GPLD1: variants seen among roughly 807,000 people sequenced by gnomAD.
GPLD1 encodes phosphatidylinositol-glycan-specific phospholipase D.
In GPLD1, 84 loss-of-function variants were observed where a neutral mutation model predicts 112.6. The observed-to-expected ratio is 0.75, with a 90% CI of 0.63 to 0.89. The LOEUF is 0.89. Ranked by LOEUF, GPLD1 falls within the 40% of genes least tolerant of loss-of-function variation. The probability of loss-of-function intolerance (pLI) is 0.00; values close to 1 mark genes in which losing one functional copy is unlikely to be tolerated. For missense variants in GPLD1, 1,044 were observed against 1,051.5 expected (o/e 0.99, Z 0.10); for synonymous variants, 386 against 403.8 (o/e 0.96, Z 0.53).
chr6:24,443,272 T>C (rs914873976), intron 20 of GPLD1, among the ~76,000 whole-genome samples: 3 of 152,288 alleles, frequency 2.0e-5, no homozygotes, highest in Admixed American at 6.5e-5. Context: ...GGCAGCTAGC[T>C]CCCGAGCTTC....
At chr6:24,453,740 T>G (rs538790922) in intron 14 of GPLD1, among the ~76,000 whole-genome samples, 13 of 151,354 alleles carry the variant, frequency 8.6e-5, no homozygotes, top group African/African-American at 3.2e-4. Context: ...AGGTTTTATA[T>G]TATCAATTAT....
intron 2 of GPLD1, among the ~76,000 whole-genome samples, chr6:24,481,926 A>G (rs1304730132): frequency 6.6e-6 from 1 of 152,118 alleles, no homozygotes; most frequent in Non-Finnish European, 1.5e-5. Context: ...AGCTCCTTAT[A>G]TGTATTAAGA....
chr6:24,450,488 G>T lies in GPLD1; in HGVS notation c.1336-589C>A, dbSNP rs553425512. Among the ~76,000 whole-genome samples, 18 of 151,454 alleles carry T rather than the reference G, an allele frequency of 1.2e-4. No homozygotes were observed. In the South Asian group the frequency reaches 3.6e-3, roughly 30 times the overall value. ...TGCACTCCAGCCTAGGCAACACAGC[G>T]AGACTCCATCTCAAAAAAACAAACA... On this transcript the variant is annotated intron_variant, in intron 14 of 24. Coordinates refer to ENST00000230036, the MANE Select transcript of GPLD1 (RefSeq NM_001503.4).
rs1324414577 is a variant in GPLD1 at position 24,476,173 on chromosome 6, A to C, written c.330+8T>G. On this transcript the variant is annotated splice_region_variant and intron_variant, in intron 4 of 24. Transcript: ENST00000230036. Reference sequence around the variant, plus strand: ...TAAATATTTTAAGGATTGGAGGACCACGCCTACCTTCTCCCAGGGAAGGGG... The same window carrying C: ...TAAATATTTTAAGGATTGGAGGACCCCGCCTACCTTCTCCCAGGGAAGGGG... 1 of 1,460,812 alleles carries C rather than the reference A, an allele frequency of 6.8e-7. No homozygotes were observed. The highest frequency in any genetic ancestry group is 9.4e-7 in the Non-Finnish European group (1 of 1,058,532). 90.5% of individuals were successfully genotyped at this position (1,460,812 alleles called of 1,614,324 possible). A position where few individuals can be genotyped will look rare whatever the true frequency, so the allele number is the denominator to read the frequency against.
chr6:24,448,317 T>C (rs987384405), intron 15 of GPLD1, 109 bp from the exon 16 acceptor site: 16 of 714,038 alleles, frequency 2.2e-5, no homozygotes, highest in African/African-American at 3.9e-5. Flanking sequence ...TGGTGGCTGA[T>C]GTCTATAATC....
At position 24,437,256 on chromosome 6, in the gene GPLD1, G is replaced by A; in HGVS notation, c.2054C>T (p.Thr685Ile). The change falls in exon 21 of 25, where the codon ACC becomes ATC. Residue 685 changes from threonine (T) to isoleucine (I), a missense_variant. Transcript: ENST00000230036. ...GCGAGTGGCTCCGCCTTGGTGTAGG[G>A]TCACGGTCAGGAATGCCACCTTAGA... Reference protein sequence around the residue: ...DVSKVAFLTVTLHQGGATRMY... With the variant: ...DVSKVAFLTVILHQGGATRMY... 1 of 1,614,024 alleles carries A rather than the reference G, an allele frequency of 6.2e-7. No individual in the cohort carries two copies. The highest frequency in any genetic ancestry group is 8.5e-7 in the Non-Finnish European group (1 of 1,179,982).
chr6:24,466,550 T>A (rs1763623293), intron 10 of GPLD1, 130 bp downstream of exon 10: 2 of 699,838 alleles, frequency 2.9e-6, no homozygotes, highest in African/African-American at 3.6e-5. Context: ...TTTGAATAGG[T>A]TAGAAAAGCA....
At chr6:24,440,671 T>C (rs1762718770) in intron 20 of GPLD1, among the ~76,000 whole-genome samples, 1 of 149,548 alleles carries the variant, frequency 6.7e-6, no homozygotes. Context: ...GAGGATCACT[T>C]GAGCCCAGAA....
chr6:24,482,902 A>C (rs113137720), intron 2 of GPLD1, among the ~76,000 whole-genome samples: 2 of 152,068 alleles, frequency 1.3e-5, no homozygotes, highest in African/African-American at 4.8e-5. Flanking sequence ...CCATGATCAC[A>C]CCAGTACACT....
chr6:24,431,227 C>T (rs114422935), intron 24 of GPLD1, among the ~76,000 whole-genome samples: 3,675 of 152,172 alleles, frequency 0.024, 75 homozygotes, highest in Middle Eastern at 0.061. Context: ...TTTCCTAATC[C>T]TCTTCCTCCT....
In GPLD1 at chr6:24,476,298, G is replaced by A; in HGVS notation, c.233-20C>T. ...ATTTTCCTGACAAAACAAAAGCAGGGCTCTAGATTCTCTCTTAAAAGTTGG... is the reference window on the plus strand; with the variant it reads ...ATTTTCCTGACAAAACAAAAGCAGGACTCTAGATTCTCTCTTAAAAGTTGG... On this transcript the variant is annotated intron_variant, in intron 3 of 24. Transcript: ENST00000230036. The A allele has an allele frequency of 7.9e-7, 1 of 1,269,066 alleles. No individual in the cohort carries two copies. The highest frequency in any genetic ancestry group is 1.3e-5 in the South Asian group (1 of 78,330). The allele number at this position is 1,269,066 out of a possible 1,614,324, so 78.6% of individuals were successfully genotyped here. A position where few individuals can be genotyped will look rare whatever the true frequency, so the allele number is the denominator to read the frequency against.
upstream of GPLD1, among the ~76,000 whole-genome samples, chr6:24,494,078 C>T (rs1349882872): frequency 6.6e-6 from 1 of 152,218 alleles, no homozygotes; most frequent in Non-Finnish European, 1.5e-5. Flanking sequence ...GGATAGTATG[C>T]TCAATCCTTA....
chr6:24,471,125 TAATC>T lies in GPLD1; in HGVS notation c.545+1453_545+1456del, dbSNP rs528056758. On this transcript the variant is annotated intron_variant, in intron 7 of 24. Transcript: ENST00000230036. ...TATTATAAAGCTACAGCAATTAAAA[TAATC>T]AATATTGTTCAGGGACCAAAAGGAC... Among the ~76,000 whole-genome samples the T allele has an allele frequency of 1.2e-3, 180 of 152,314 alleles. 2 individuals carry two copies. Among genetic ancestry groups the T allele is most frequent in the Admixed American group, 5.8e-3 (88 of 15,300 alleles).
At chr6:24,487,395 G>A (rs1764413902) in intron 1 of GPLD1, among the ~76,000 whole-genome samples, 1 of 152,140 alleles carries the variant, frequency 6.6e-6, no homozygotes, top group African/African-American at 2.4e-5. Flanking sequence ...TTCTATTTCA[G>A]GAGATGCCTT....
At position 24,448,886 on chromosome 6, in the gene GPLD1, ACTT is replaced by A. The variant is rs578101183; in HGVS notation, c.1447-681_1447-679del. Among the ~76,000 whole-genome samples, 4 of 152,120 alleles carry A rather than the reference ACTT, an allele frequency of 2.6e-5. No homozygotes were observed. The South Asian group carries it at 8.3e-4, about 32-fold the overall frequency. Reference sequence around the variant, plus strand: ...CTCCATCCCCATTCATTCTACAAGCACTTCTTTTCCATCATAAGCCAGGTACTA... The same window carrying A: ...CTCCATCCCCATTCATTCTACAAGCACTTTTCCATCATAAGCCAGGTACTA... On this transcript the variant is annotated intron_variant, in intron 15 of 24. Coordinates refer to ENST00000230036, the MANE Select transcript of GPLD1 (RefSeq NM_001503.4).
chr6:24,491,770 A>T (rs1561863714), upstream of GPLD1, among the ~76,000 whole-genome samples: 39 of 152,118 alleles, frequency 2.6e-4, no homozygotes, highest in Non-Finnish European at 2.9e-5. Context: ...CTCATTATGC[A>T]TTTTTTTGTA....
At chr6:24,439,177 G>A (rs183137977) in intron 20 of GPLD1, among the ~76,000 whole-genome samples, 85 of 149,386 alleles carry the variant, frequency 5.7e-4, no homozygotes, top group African/African-American at 1.9e-3. Flanking sequence ...TCTACTCCCT[G>A]CTTCAGTCCT....
chr6:24,461,513 G>C (rs1240026342), intron 11 of GPLD1, among the ~76,000 whole-genome samples: 1 of 151,992 alleles, frequency 6.6e-6, no homozygotes, highest in Non-Finnish European at 1.5e-5. Context: ...AAATATCCCG[G>C]TTAAGCCATC....
At chr6:24,447,828 T>C (rs1201844290) in intron 17 of GPLD1, 49 bp downstream of exon 17, 16 of 1,581,350 alleles carry the variant, frequency 1.0e-5, no homozygotes, top group Non-Finnish European at 1.3e-5. Flanking sequence ...TAAGTTGTCG[T>C]AGACACACAG....
Sources: allele counts gnomAD v4.1 joint callset (sites outside exome capture counted in the v4.1 genomes callset), GRCh38; gene constraint gnomAD v4.1.1; transcripts MANE v1.5; gene names NCBI Gene and HGNC (gene_info 2026-07-23, HGNC 2026-07-21).